GPC6: variants seen among roughly 807,000 people sequenced by gnomAD.
The protein encoded by GPC6 is glypican-6.
In GPC6, 14 loss-of-function variants were observed where a neutral mutation model predicts 55.2. The ratio of observed to expected loss-of-function variants is 0.25; its 90% confidence interval spans 0.17 to 0.40. The LOEUF (loss-of-function observed/expected upper bound fraction) is 0.40. Ranked by LOEUF, GPC6 falls within the 10% of genes least tolerant of loss-of-function variation. The probability of loss-of-function intolerance (pLI) is 1.00; values close to 1 mark genes in which losing one functional copy is unlikely to be tolerated. For synonymous variants in GPC6, 278 were observed against 259.6 expected, an observed-to-expected ratio of 1.07 and a Z score of -0.68; for missense variants, 641 against 708.5, an observed-to-expected ratio of 0.90 and a Z score of 1.08.
chr13:94,288,927 A>T (rs1255528487), intron 5 of GPC6, among the ~76,000 whole-genome samples: 3 of 116,502 alleles, frequency 2.6e-5, no homozygotes, highest in East Asian at 4.8e-4. Flanking sequence ...TATATATAAC[A>T]AATATAGATA....
intron 7 of GPC6, among the ~76,000 whole-genome samples, chr13:94,384,114 A>G (rs1880298669): frequency 6.6e-6 from 1 of 152,234 alleles, no homozygotes; most frequent in Non-Finnish European, 1.5e-5. Flanking sequence ...CATACCAGGA[A>G]GAGTTTAGCA....
chr13:94,362,183 A>G (rs1250991613), intron 6 of GPC6, among the ~76,000 whole-genome samples: 2 of 152,152 alleles, frequency 1.3e-5, no homozygotes, highest in Admixed American at 6.5e-5. Context: ...ATTTTGTGTC[A>G]GGGGGAGTTT....
At chr13:93,913,189 A>G (rs1287317166) in intron 3 of GPC6, among the ~76,000 whole-genome samples, 2 of 152,200 alleles carry the variant, frequency 1.3e-5, no homozygotes, top group African/African-American at 4.8e-5. Flanking sequence ...AAACATGATT[A>G]AGAATCTCTT....
intron 2 of GPC6, among the ~76,000 whole-genome samples, chr13:93,582,918 A>C (rs1299022275): frequency 6.6e-6 from 1 of 152,228 alleles, no homozygotes; most frequent in Non-Finnish European, 1.5e-5. Context: ...TTTTCCTTGG[A>C]AAGTATTTCA....
chr13:93,752,513 C>T (rs1156275846), intron 2 of GPC6, among the ~76,000 whole-genome samples: 1 of 151,686 alleles, frequency 6.6e-6, no homozygotes, highest in Non-Finnish European at 1.5e-5. Flanking sequence ...AATCTATTAC[C>T]ACTGGCAACA....
At chr13:93,672,131 A>T (rs1404393705) in intron 2 of GPC6, among the ~76,000 whole-genome samples, 1 of 141,676 alleles carries the variant, frequency 7.1e-6, no homozygotes, top group Non-Finnish European at 1.5e-5. Context: ...CATTTATATG[A>T]TAGAATTAAG....
intron 1 of GPC6, among the ~76,000 whole-genome samples, chr13:93,324,292 G>T (rs1019922277): frequency 1.3e-5 from 2 of 151,716 alleles, no homozygotes; most frequent in African/African-American, 4.8e-5. Context: ...GTTACCAGAG[G>T]CTGGGAATGG....
At chr13:94,300,555 A>G (rs1216856316) in intron 5 of GPC6, among the ~76,000 whole-genome samples, 1 of 152,138 alleles carries the variant, frequency 6.6e-6, no homozygotes, top group Non-Finnish European at 1.5e-5. Flanking sequence ...TATCTTAGTA[A>G]TCCTCTTAAG....
chr13:93,864,986 G>T (rs1437463681), intron 3 of GPC6, among the ~76,000 whole-genome samples: 1 of 151,616 alleles, frequency 6.6e-6, no homozygotes, highest in Non-Finnish European at 1.5e-5. Context: ...TCAGAAATAG[G>T]TTCATTTGTT....
At chr13:93,664,410 T>A (rs1274524073) in intron 2 of GPC6, among the ~76,000 whole-genome samples, 1 of 152,292 alleles carries the variant, frequency 6.6e-6, no homozygotes, top group East Asian at 1.9e-4. Flanking sequence ...TGTCACTAGG[T>A]AGACTATTAT....
At chr13:94,282,441 A>T (rs1000854112) in intron 4 of GPC6, among the ~76,000 whole-genome samples, 1 of 152,192 alleles carries the variant, frequency 6.6e-6, no homozygotes, top group Non-Finnish European at 1.5e-5. Context: ...AACTGCCCCC[A>T]TGATTCAATT....
rs1555306602 is a variant in GPC6 at position 93,510,971 on chromosome 13, G to GTATATATATGTGTATATATA, written c.161-34291_161-34290insATATATATGTGTATATATAT. ...GAGAAATATATATATATATATATATGTGTATATATATATGTGTATATATAT... is the reference window on the plus strand; with the variant it reads ...GAGAAATATATATATATATATATATGTATATATATGTGTATATATATGTATATATATATGTGTATATATAT... On this transcript the variant is annotated intron_variant, in intron 1 of 8. Coordinates refer to ENST00000377047, the MANE Select transcript of GPC6 (RefSeq NM_005708.5). Among the ~76,000 whole-genome samples, 18 of 69,804 alleles carry GTATATATATGTGTATATATA rather than the reference G, an allele frequency of 2.6e-4. 4 individuals are homozygous for GTATATATATGTGTATATATA. Among genetic ancestry groups the GTATATATATGTGTATATATA allele is most frequent in the African/African-American group, 6.8e-4 (14 of 20,598 alleles). The allele number at this position is 69,804 out of a possible 152,430, so 45.8% of individuals were successfully genotyped here.
chr13:94,017,494 T>A (rs564815820), intron 3 of GPC6, among the ~76,000 whole-genome samples: 19 of 152,196 alleles, frequency 1.2e-4, no homozygotes, highest in African/African-American at 4.6e-4. Flanking sequence ...TTGTGAGACT[T>A]ATTCACTACC....
At chr13:94,193,859 T>A (rs753966482) in intron 4 of GPC6, among the ~76,000 whole-genome samples, 1 of 152,234 alleles carries the variant, frequency 6.6e-6, no homozygotes, top group Non-Finnish European at 1.5e-5. Flanking sequence ...ATAGTGAGGT[T>A]GAGCTTTTGG....
intron 2 of GPC6, among the ~76,000 whole-genome samples, chr13:93,727,770 C>T (rs182262290): frequency 6.6e-6 from 1 of 152,262 alleles, no homozygotes; most frequent in African/African-American, 2.4e-5. Context: ...CAGGATGTGT[C>T]ACTTTCCTGT....
intron 2 of GPC6, among the ~76,000 whole-genome samples, chr13:93,612,543 A>ACACACAC (rs1566449513): frequency 1.6e-4 from 24 of 148,642 alleles, no homozygotes; most frequent in African/African-American, 2.2e-4. Flanking sequence ...ACACACACAC[A>ACACACAC]AACTTCATGT....
intron 4 of GPC6, among the ~76,000 whole-genome samples, chr13:94,230,252 T>A (rs1004071430): frequency 6.6e-6 from 1 of 152,160 alleles, no homozygotes. Flanking sequence ...TCTTATTTTA[T>A]GTGTGAGAAA....
At chr13:94,346,391 C>T (rs191240547) in intron 6 of GPC6, among the ~76,000 whole-genome samples, 174 of 152,156 alleles carry the variant, frequency 1.1e-3, no homozygotes, top group African/African-American at 4.1e-3. Context: ...TCATGATGTT[C>T]CACTCATGTG....
At chr13:94,353,464 A>G (rs1878650106) in intron 6 of GPC6, among the ~76,000 whole-genome samples, 1 of 152,192 alleles carries the variant, frequency 6.6e-6, no homozygotes, top group South Asian at 2.1e-4. Flanking sequence ...AAAATAAAAC[A>G]AAACAATCTG....
Sources: gnomAD v4.1 joint callset for allele counts (sites outside exome capture counted in the v4.1 genomes callset) on GRCh38, gnomAD v4.1.1 for gene constraint, MANE v1.5 for transcripts, NCBI Gene and HGNC (gene_info 2026-07-23, HGNC 2026-07-21) for gene names.